PLOD2: variants seen among roughly 807,000 people sequenced by gnomAD.
The protein encoded by PLOD2 is procollagen-lysine,2-oxoglutarate 5-dioxygenase 2.
Under a neutral mutation model 101.0 loss-of-function variants are expected in PLOD2, and 65 were observed. That is an observed-to-expected ratio of 0.64 (90% CI 0.53 to 0.79). PLOD2 has a LOEUF of 0.79. Ranked by LOEUF, PLOD2 falls within the 30% of genes least tolerant of loss-of-function variation. The pLI is 0.00. For synonymous variants in PLOD2, 314 were observed against 302.9 expected, an observed-to-expected ratio of 1.04 and a Z score of -0.38; for missense variants, 909 against 914.6, an observed-to-expected ratio of 0.99 and a Z score of 0.08.
At chr3:146,072,485 T>C in intron 17 of PLOD2, 76 bp downstream of exon 17, 1 of 917,634 alleles carries the variant, frequency 1.1e-6, no homozygotes, top group South Asian at 1.3e-5. Context: ...AAAAAGTATA[T>C]AACCCCTCCG....
At chr3:146,140,095 C>G (rs1025070946) in intron 1 of PLOD2, among the ~76,000 whole-genome samples, 3 of 152,042 alleles carry the variant, frequency 2.0e-5, no homozygotes, top group African/African-American at 7.2e-5. Flanking sequence ...ATTTTCTCAG[C>G]AGTATAAATC....
intron 7 of PLOD2, among the ~76,000 whole-genome samples, chr3:146,100,486 A>C (rs990091304): frequency 1.3e-5 from 2 of 152,202 alleles, no homozygotes; most frequent in African/African-American, 4.8e-5. Context: ...AAAGCATACA[A>C]GAGACCCAAA....
rs535754247 is a variant in PLOD2, at chr3:146,119,024, G to A, written c.338+2088C>T. ...CATAGTTGATATAATTTGAATCTAC[G>A]TCCCCACCCACATCTCATGTTGAAA... is the stretch of plus-strand genomic sequence containing the variant. On this transcript the variant is annotated intron_variant, in intron 3 of 19. Transcript: ENST00000282903. 5.9e-5 allele frequency among the ~76,000 whole-genome samples: 9 copies of A among 152,086 alleles called. No individual in the cohort carries two copies. In the South Asian group the frequency reaches 1.5e-3, roughly 25 times the overall value.
chr3:146,125,763 T>C (rs942341647), intron 1 of PLOD2, among the ~76,000 whole-genome samples: 3 of 152,292 alleles, frequency 2.0e-5, no homozygotes, highest in Admixed American at 2.0e-4. Context: ...GAATACTTTT[T>C]AAAATTAACT....
intron 1 of PLOD2, among the ~76,000 whole-genome samples, chr3:146,154,165 G>A (rs2108146063): frequency 6.6e-6 from 1 of 152,230 alleles, no homozygotes; most frequent in South Asian, 2.1e-4. Flanking sequence ...CCTGCCTCAA[G>A]TAGCCCCTCA....
Position 146,097,098 on chromosome 3 carries a change from C to T in PLOD2, c.778-5197G>A, listed in dbSNP as rs1315445201. Among the ~76,000 whole-genome samples, 148 of 149,108 alleles carry T rather than the reference C, an allele frequency of 9.9e-4. 1 individual carries two copies. The highest frequency in any genetic ancestry group is 5.5e-4 in the Non-Finnish European group (37 of 66,756). ...CTGGGAAGTGAGGAGCCCCTCTGCC[C>T]GGCCAGTCGCCCTGTCCAGGAGGGA... On this transcript the variant is annotated intron_variant, in intron 7 of 19. Transcript: ENST00000282903.
chr3:146,117,960 C>T (rs1490331460), intron 3 of PLOD2, among the ~76,000 whole-genome samples: 3 of 151,878 alleles, frequency 2.0e-5, no homozygotes, highest in Non-Finnish European at 2.9e-5. Flanking sequence ...GATGGTGATG[C>T]GAGAGTGATG....
chr3:146,092,973 TATATGATCA>T (rs1484977817), intron 7 of PLOD2, among the ~76,000 whole-genome samples: 1 of 152,100 alleles, frequency 6.6e-6, no homozygotes, highest in African/African-American at 2.4e-5. Flanking sequence ...CTATTATCAT[TATATGATCA>T]ATAATTTTTC....
chr3:146,157,941 A>G (rs1443395240), intron 1 of PLOD2, among the ~76,000 whole-genome samples: 1 of 152,202 alleles, frequency 6.6e-6, no homozygotes, highest in Non-Finnish European at 1.5e-5. Context: ...AATGTACCAC[A>G]GTAAATTAGA....
At chr3:146,132,436 GA>G (rs1163296521) in intron 1 of PLOD2, among the ~76,000 whole-genome samples, 1 of 151,878 alleles carries the variant, frequency 6.6e-6, no homozygotes, top group Admixed American at 6.6e-5. Flanking sequence ...ACCAAATGTA[GA>G]AGGATAGATC....
intron 4 of PLOD2, among the ~76,000 whole-genome samples, chr3:146,108,429 T>G (rs977523985): frequency 2.0e-5 from 3 of 152,052 alleles, no homozygotes; most frequent in Non-Finnish European, 2.9e-5. Flanking sequence ...GTCACCTTCC[T>G]GTCTAGGCCT....
intron 1 of PLOD2, among the ~76,000 whole-genome samples, chr3:146,151,774 G>T (rs1246868093): frequency 1.4e-5 from 2 of 146,250 alleles, no homozygotes; most frequent in African/African-American, 2.5e-5. Context: ...GCCTTGTGTG[G>T]TTTTTGTTTG....
chr3:146,125,794 A>G (rs2030528180), intron 1 of PLOD2, among the ~76,000 whole-genome samples: 1 of 152,194 alleles, frequency 6.6e-6, no homozygotes, highest in Admixed American at 6.5e-5. Context: ...GTTTTCATTT[A>G]TAAAGTTTCA....
At chr3:146,087,581 ATTTGTCAAGTCTCTAAGTT>A (rs774761751) in intron 9 of PLOD2, among the ~76,000 whole-genome samples, 8 of 151,714 alleles carry the variant, frequency 5.3e-5, no homozygotes, top group Non-Finnish European at 7.4e-5. Context: ...AGAGATTTTT[ATTTGTCAAGTCTCTAAGTT>A]TTCTGAAAAG....
chr3:146,091,977 T>G, intron 7 of PLOD2, 76 bp from the exon 8 acceptor site: 1 of 783,706 alleles, frequency 1.3e-6, no homozygotes, highest in South Asian at 1.4e-5. Context: ...ATCATCTAAT[T>G]TAAAAGCATG....
Position 146,085,288 on chromosome 3 carries a change from GA to G in PLOD2, c.1128-16del. 2 of 1,306,252 alleles carry G rather than the reference GA, an allele frequency of 1.5e-6. No individual in the cohort carries two copies. The highest frequency in any genetic ancestry group is 2.2e-6 in the Non-Finnish European group (2 of 899,858). The allele number at this position is 1,306,252 out of a possible 1,614,324, so 80.9% of individuals were successfully genotyped here. A position where few individuals can be genotyped will look rare whatever the true frequency, so the allele number is the denominator to read the frequency against. ...GGCAAAAGTCCCTAACAGTGAAAAAGAAAATGAAATGGGCATGACATAAAAT... is the reference window on the plus strand; with the variant it reads ...GGCAAAAGTCCCTAACAGTGAAAAAGAAATGAAATGGGCATGACATAAAAT... On this transcript the variant is annotated splice_polypyrimidine_tract_variant and intron_variant, in intron 10 of 19. Transcript: ENST00000282903.
At chr3:146,084,506 A>G (rs1936688087) in intron 11 of PLOD2, among the ~76,000 whole-genome samples, 1 of 152,164 alleles carries the variant, frequency 6.6e-6, no homozygotes, top group Admixed American at 6.5e-5. Context: ...ATGAGAAATA[A>G]TTGTGTTAAT....
At chr3:146,107,315 A>C (rs1217082931) in intron 4 of PLOD2, among the ~76,000 whole-genome samples, 3 of 152,196 alleles carry the variant, frequency 2.0e-5, no homozygotes, top group African/African-American at 2.4e-5. Context: ...AAGCATTAAG[A>C]CCGCCAATAA....
chr3:146,091,921 G>A lies in PLOD2; in HGVS notation c.778-20C>T, dbSNP rs368014482. On this transcript the variant is annotated intron_variant, in intron 7 of 19. Transcript: ENST00000282903. ...GAGAATCTTGTAAATGAAGGAAAAG[G>A]TTATTAATGAAAGCAGGCCTCTCAT... 1.5e-5 allele frequency: 19 copies of A among 1,295,562 alleles called. No homozygotes were observed. Among genetic ancestry groups the A allele is most frequent in the Admixed American group, 3.4e-5 (2 of 59,374 alleles). The allele number at this position is 1,295,562 out of a possible 1,614,324, so 80.3% of individuals were successfully genotyped here.
Sources: allele counts gnomAD v4.1 joint callset (sites outside exome capture counted in the v4.1 genomes callset), GRCh38; gene constraint gnomAD v4.1.1; transcripts MANE v1.5; gene names NCBI Gene and HGNC (gene_info 2026-07-23, HGNC 2026-07-21).